Variants in TRPC6 observed in about 807,000 individuals in gnomAD.
The protein encoded by TRPC6 is transient receptor potential cation channel subfamily C member 6.
A neutral mutation model predicts 90.7 loss-of-function variants in TRPC6; 55 were observed. The observed-to-expected ratio is 0.61, with a 90% confidence interval of 0.49 to 0.76. TRPC6 has a LOEUF of 0.76. Among genes scored for constraint, TRPC6 ranks in the 30% least tolerant of loss-of-function variants. The pLI is 0.00. For synonymous variants in TRPC6, 393 were observed against 393.0 expected (o/e 1.00, Z 0.00); for missense variants, 989 against 1,122.7 (o/e 0.88, Z 1.70).
chr11:101,532,547 T>C (rs1860931599), intron 1 of TRPC6, among the ~76,000 whole-genome samples: 1 of 152,170 alleles, frequency 6.6e-6, no homozygotes, highest in Non-Finnish European at 1.5e-5. Flanking sequence ...GAAAGATGCA[T>C]GGCCTGTTCA....
chr11:101,499,292 T>C (rs11224792), intron 2 of TRPC6, among the ~76,000 whole-genome samples: 71,144 of 151,678 alleles, frequency 0.47, 17,167 homozygotes, highest in African/African-American at 0.58. Context: ...AGTGATTCTT[T>C]TAAATGTGAC....
intron 1 of TRPC6, among the ~76,000 whole-genome samples, chr11:101,540,471 A>G (rs1861143802): frequency 1.3e-5 from 2 of 152,194 alleles, no homozygotes; most frequent in Non-Finnish European, 2.9e-5. Flanking sequence ...TTTCCTGGGC[A>G]TATGTAGTGT....
At chr11:101,475,598 A>C (rs1859394309) in intron 6 of TRPC6, among the ~76,000 whole-genome samples, 1 of 152,012 alleles carries the variant, frequency 6.6e-6, no homozygotes, top group Non-Finnish European at 1.5e-5. Flanking sequence ...ACCCTTTGTA[A>C]ACTTTGTACC....
At chr11:101,497,259 C>T (rs1346745952) in intron 2 of TRPC6, among the ~76,000 whole-genome samples, 1 of 152,210 alleles carries the variant, frequency 6.6e-6, no homozygotes, top group Admixed American at 6.5e-5. Flanking sequence ...CTAAGGTACA[C>T]TTTCTTCTTC....
intron 1 of TRPC6, among the ~76,000 whole-genome samples, chr11:101,570,009 ATAAG>A (rs1861923404): frequency 6.6e-6 from 1 of 152,174 alleles, no homozygotes. Flanking sequence ...AAGACAAGAA[ATAAG>A]TAAGATCAGA....
chr11:101,460,469 T>C (rs984646769), intron 10 of TRPC6, among the ~76,000 whole-genome samples: 2 of 152,230 alleles, frequency 1.3e-5, no homozygotes, highest in African/African-American at 4.8e-5. Context: ...ATCATATTAT[T>C]TTTGATGTTT....
At chr11:101,512,528 T>C (rs1320655555) in intron 1 of TRPC6, among the ~76,000 whole-genome samples, 1 of 152,176 alleles carries the variant, frequency 6.6e-6, no homozygotes, top group African/African-American at 2.4e-5. Context: ...TGTTCCCTTT[T>C]AGTTTCTCCT....
chr11:101,506,764 CTT>C (rs1164671753), intron 1 of TRPC6, among the ~76,000 whole-genome samples: 2 of 151,970 alleles, frequency 1.3e-5, no homozygotes, highest in Non-Finnish European at 2.9e-5. Flanking sequence ...ATAGCTATTA[CTT>C]TGTTTTTAAT....
At chr11:101,492,813 A>C (rs565232944) in intron 2 of TRPC6, among the ~76,000 whole-genome samples, 2 of 152,340 alleles carry the variant, frequency 1.3e-5, no homozygotes, top group South Asian at 4.1e-4. Context: ...AAGAGCAAGT[A>C]CGTGTCTATT....
chr11:101,511,237 T>G (rs1426347149), intron 1 of TRPC6, among the ~76,000 whole-genome samples: 1 of 152,168 alleles, frequency 6.6e-6, no homozygotes, highest in African/African-American at 2.4e-5. Context: ...TGACACTGTT[T>G]TTGCCCTGAC....
At chr11:101,522,149 G>A (rs1860677572) in intron 1 of TRPC6, among the ~76,000 whole-genome samples, 1 of 152,180 alleles carries the variant, frequency 6.6e-6, no homozygotes. Context: ...GTTTGGATTT[G>A]TGTCTTCACT....
chr11:101,481,150 C>T (rs1279092192), intron 5 of TRPC6, among the ~76,000 whole-genome samples: 1 of 152,106 alleles, frequency 6.6e-6, no homozygotes, highest in Non-Finnish European at 1.5e-5. Context: ...CATCAAGCTC[C>T]AGCATGAAGC....
intron 1 of TRPC6, among the ~76,000 whole-genome samples, chr11:101,530,671 G>C (rs1025440666): frequency 6.6e-6 from 1 of 152,124 alleles, no homozygotes; most frequent in Non-Finnish European, 1.5e-5. Flanking sequence ...TACTGACCAA[G>C]ATCCTGGAAG....
intron 1 of TRPC6, among the ~76,000 whole-genome samples, chr11:101,576,329 T>C (rs758638337): frequency 6.6e-6 from 1 of 152,238 alleles, no homozygotes; most frequent in Non-Finnish European, 1.5e-5. Flanking sequence ...CATTAAACTG[T>C]ATGTAATTCT....
intron 1 of TRPC6, among the ~76,000 whole-genome samples, chr11:101,568,482 G>A (rs979217374): frequency 6.6e-6 from 1 of 152,150 alleles, no homozygotes; most frequent in Non-Finnish European, 1.5e-5. Flanking sequence ...AGCAAGGCAG[G>A]CCAACATTCA....
At chr11:101,523,895 T>G (rs745449385) in intron 1 of TRPC6, among the ~76,000 whole-genome samples, 3 of 152,242 alleles carry the variant, frequency 2.0e-5, no homozygotes, top group Non-Finnish European at 4.4e-5. Flanking sequence ...AATTTTCTGC[T>G]CTTTTCCCTG....
intron 10 of TRPC6, among the ~76,000 whole-genome samples, chr11:101,456,870 T>C (rs772683391): frequency 6.6e-6 from 1 of 152,142 alleles, no homozygotes; most frequent in Non-Finnish European, 1.5e-5. Flanking sequence ...ACATATTTTA[T>C]TTTCAGAAAA....
intron 1 of TRPC6, among the ~76,000 whole-genome samples, chr11:101,575,581 G>A (rs941268852): frequency 6.6e-6 from 1 of 152,036 alleles, no homozygotes; most frequent in Non-Finnish European, 1.5e-5. Flanking sequence ...CTTGGAGAAG[G>A]GCCTAGCACA....
intron 2 of TRPC6, among the ~76,000 whole-genome samples, chr11:101,501,097 A>ATACG (rs1860110227): frequency 7.0e-6 from 1 of 143,322 alleles, no homozygotes; most frequent in South Asian, 2.2e-4. Context: ...ACATACATAC[A>ATACG]TACATACATA....
Sources: allele counts gnomAD v4.1 joint callset (sites outside exome capture counted in the v4.1 genomes callset), GRCh38; gene constraint gnomAD v4.1.1; transcripts MANE v1.5; gene names NCBI Gene and HGNC (gene_info 2026-07-23, HGNC 2026-07-21).